The following NAF1 variants were observed in gnomAD, a reference collection of about 807,000 sequenced individuals.
NAF1 encodes H/ACA ribonucleoprotein complex non-core subunit NAF1.
NAF1 carries 11 observed loss-of-function variants against 40.6 expected under a neutral mutation model. That is an observed-to-expected ratio of 0.27 (90% CI 0.17 to 0.45). The LOEUF is 0.45. NAF1 is among the 20% of genes least tolerant of loss of function. NAF1 has a pLI of 1.00. For missense variants in NAF1, 607 were observed against 611.1 expected, an observed-to-expected ratio of 0.99 and a Z score of 0.07; for synonymous variants, 260 against 228.5, an observed-to-expected ratio of 1.14 and a Z score of -1.24.
In NAF1 at chr4:163,166,386, C is replaced by G; in HGVS notation, c.342G>C (p.Ser114=). ...ACCTGTCCGAGTCCGAATCCGAGTC[C>G]GAGGTCTCCAAGGAGTCCGGCGCCC... is the stretch of plus-strand genomic sequence containing the variant. ...PARAPDSLET[S]DSDSDSDSET... Residue 114 remains serine (S), a synonymous_variant, in exon 1 of 8, where the codon TCG becomes TCC. Coordinates refer to ENST00000274054, the MANE Select transcript of NAF1 (RefSeq NM_138386.3). 6.2e-7 allele frequency: 1 copy of G among 1,605,968 alleles called. No individual in the cohort carries two copies. Among genetic ancestry groups the G allele is most frequent in the South Asian group, 1.1e-5 (1 of 90,374 alleles).
downstream of NAF1, among the ~76,000 whole-genome samples, chr4:163,122,169 A>G (rs1730535827): frequency 6.6e-6 from 1 of 152,204 alleles, no homozygotes; most frequent in Non-Finnish European, 1.5e-5. Flanking sequence ...CTTAAAACAT[A>G]CAGTAAGATT....
chr4:163,166,331 C>A (rs1732460813), intron 1 of NAF1, 32 bp downstream of exon 1: 2 of 1,545,078 alleles, frequency 1.3e-6, no homozygotes, highest in Non-Finnish European at 1.7e-6. Context: ...CAAGACCTCT[C>A]CCCACAGCTC....
chr4:163,122,956 A>C (rs150446384), downstream of NAF1, among the ~76,000 whole-genome samples: 125 of 152,370 alleles, frequency 8.2e-4, no homozygotes, highest in African/African-American at 2.7e-3. Context: ...GTAAGTTATG[A>C]AACTGCACTC....
chr4:163,126,117 A>T (rs1451627554), downstream of NAF1, among the ~76,000 whole-genome samples: 1 of 152,184 alleles, frequency 6.6e-6, no homozygotes, highest in Non-Finnish European at 1.5e-5. Context: ...AAGGAGTTGA[A>T]TTTTTTTAAT....
intron 6 of NAF1, among the ~76,000 whole-genome samples, chr4:163,134,088 T>C (rs1191764632): frequency 6.6e-6 from 1 of 152,178 alleles, no homozygotes; most frequent in Admixed American, 6.5e-5. Context: ...TTAGGATTCA[T>C]TGTTATAGTC....
intron 1 of NAF1, among the ~76,000 whole-genome samples, chr4:163,165,719 C>A (rs1438900886): frequency 6.6e-6 from 1 of 152,106 alleles, no homozygotes; most frequent in Non-Finnish European, 1.5e-5. Context: ...TTAGTAACAT[C>A]CCACATGCTG....
downstream of NAF1, among the ~76,000 whole-genome samples, chr4:163,122,255 A>G (rs1198951330): frequency 1.3e-5 from 2 of 152,206 alleles, no homozygotes; most frequent in Non-Finnish European, 2.9e-5. Context: ...ACTGGAATTC[A>G]GATTCTCATT....
At chr4:163,162,548 G>C (rs554034575) in intron 2 of NAF1, among the ~76,000 whole-genome samples, 1 of 152,030 alleles carries the variant, frequency 6.6e-6, no homozygotes, top group Non-Finnish European at 1.5e-5. Flanking sequence ...TTTGTCTTTC[G>C]AGGCAAACAT....
In NAF1 at chr4:163,164,378, C is replaced by T; in HGVS notation, c.379G>A (p.Asp127Asn). 6.4e-7 allele frequency: 1 copy of T among 1,571,846 alleles called. No individual in the cohort carries two copies. Among genetic ancestry groups the T allele is most frequent in the Non-Finnish European group, 8.6e-7 (1 of 1,160,512 alleles). The change falls in exon 2 of 8, where the codon GAT becomes AAT. Residue 127 changes from aspartate to asparagine, a missense_variant. By Grantham distance (23) the Asp-to-Asn change is conservative (BLOSUM62 1). This residue lies in a region of NAF1 where 407 missense variants were observed against 365.5 expected (regional missense o/e 1.11). Transcript: ENST00000274054. Reference sequence around the variant, plus strand: ...GAGGAAGACGATGAACTTGAACTATCTGAATCTGTTTCACTGTAGGGAAGA... The same window carrying T: ...GAGGAAGACGATGAACTTGAACTATTTGAATCTGTTTCACTGTAGGGAAGA... ...DSDSDSETDS[D>N]SSSSSSSSSS...
At chr4:163,110,331 AAG>A in intron 2 of NAF1, 1 of 696,914 alleles carries the variant, frequency 1.4e-6, no homozygotes, top group Middle Eastern at 2.4e-4. Context: ...TTGAGAGAGA[AAG>A]AATACATTCA....
At chr4:163,164,147 T>G in intron 2 of NAF1, 70 bp downstream of exon 2, 1 of 1,377,008 alleles carries the variant, frequency 7.3e-7, no homozygotes, top group South Asian at 1.9e-5. Context: ...ATAGGCAAAA[T>G]TAGATCAATA....
Position 163,152,053 on chromosome 4 carries a change from G to A in NAF1, c.541-3619C>T, listed in dbSNP as rs370809204. 1.5e-3 allele frequency among the ~76,000 whole-genome samples: 232 copies of A among 152,052 alleles called. 1 individual carries two copies. The highest frequency in any genetic ancestry group is 5.5e-3 in the African/African-American group (226 of 41,458). ...TCCTTCTTTTCAATATTAGTACATG[G>A]CTTTCATTTTTCAGATGATACTGGT... On this transcript the variant is annotated intron_variant, in intron 2 of 7. Transcript: ENST00000274054.
At chr4:163,111,161 T>C (rs1253545581) in intron 2 of NAF1, among the ~76,000 whole-genome samples, 4 of 152,150 alleles carry the variant, frequency 2.6e-5, no homozygotes, top group African/African-American at 9.7e-5. Context: ...TACTTCTAGA[T>C]ACAAAGCTGA....
At chr4:163,152,137 G>A (rs981757556) in intron 2 of NAF1, among the ~76,000 whole-genome samples, 4 of 152,136 alleles carry the variant, frequency 2.6e-5, no homozygotes, top group African/African-American at 7.2e-5. Flanking sequence ...AGTGGACATT[G>A]CTAATAGGAA....
intron 3 of NAF1, 62 bp downstream of exon 3, chr4:163,148,279 C>G: frequency 9.9e-7 from 1 of 1,006,982 alleles, no homozygotes; most frequent in South Asian, 2.0e-5. Flanking sequence ...TCATAAAAGT[C>G]ATTGATTCAA....
At chr4:163,162,964 G>C (rs1732287229) in intron 2 of NAF1, among the ~76,000 whole-genome samples, 1 of 152,106 alleles carries the variant, frequency 6.6e-6, no homozygotes. Flanking sequence ...CTAAGACTTT[G>C]CATTAAATTG....
chr4:163,148,814 C>A (rs1159261413), intron 2 of NAF1, among the ~76,000 whole-genome samples: 1 of 152,098 alleles, frequency 6.6e-6, no homozygotes, highest in East Asian at 1.9e-4. Context: ...ATAATTTCTC[C>A]ACATAAGTTC....
intron 5 of NAF1, among the ~76,000 whole-genome samples, chr4:163,137,941 A>G (rs560973361): frequency 3.0e-4 from 46 of 152,316 alleles, no homozygotes; most frequent in Admixed American, 1.8e-3. Flanking sequence ...TTTACATCCA[A>G]CAAAAGTACA....
intron 2 of NAF1, among the ~76,000 whole-genome samples, chr4:163,152,924 G>C (rs1003722391): frequency 6.6e-6 from 1 of 152,182 alleles, no homozygotes; most frequent in African/African-American, 2.4e-5. Context: ...TGGGCTTGGA[G>C]GGCCCCGCAC....
Sources: allele counts gnomAD v4.1 joint callset (sites outside exome capture counted in the v4.1 genomes callset), GRCh38; gene constraint gnomAD v4.1.1; regional missense constraint gnomAD v4.1.1; transcripts MANE v1.5; gene names NCBI Gene and HGNC (gene_info 2026-07-23, HGNC 2026-07-21).